Variants in CYP39A1 observed in about 807,000 individuals in gnomAD.
The protein encoded by CYP39A1 is cytochrome P450 family 39 subfamily A member 1, also known as 24-hydroxycholesterol 7-alpha-hydroxylase.
In CYP39A1, 49 loss-of-function variants were observed where a neutral mutation model predicts 58.1. The observed-to-expected ratio is 0.84, with a 90% CI of 0.67 to 1.07. The LOEUF is 1.07. Ranked by LOEUF, CYP39A1 falls within the 50% of genes least tolerant of loss-of-function variation. The pLI is 0.00. For synonymous variants in CYP39A1, 209 were observed against 187.6 expected (o/e 1.11, Z -0.93); for missense variants, 531 against 539.4 (o/e 0.98, Z 0.16).
At chr6:46,595,903 A>T (rs1773118091) in intron 8 of CYP39A1, 84 bp downstream of exon 8, 2 of 1,273,796 alleles carry the variant, frequency 1.6e-6, no homozygotes, top group Non-Finnish European at 2.2e-6. Flanking sequence ...AAATCAAGAT[A>T]TGTCAACCTG....
At chr6:46,622,865 G>C (rs1199807929) in intron 7 of CYP39A1, among the ~76,000 whole-genome samples, 1 of 152,134 alleles carries the variant, frequency 6.6e-6, no homozygotes, top group Non-Finnish European at 1.5e-5. Flanking sequence ...GAGAACACAA[G>C]AGTAGGCTGA....
chr6:46,636,537 A>C, intron 4 of CYP39A1, 55 bp from the exon 5 acceptor site: 1 of 1,088,714 alleles, frequency 9.2e-7, no homozygotes, highest in Non-Finnish European at 1.4e-6. Context: ...TAGGAATAAC[A>C]GGTCACAGCA....
chr6:46,595,841 C>T lies in CYP39A1; in HGVS notation c.1065+146G>A, dbSNP rs548838759. On this transcript the variant is annotated intron_variant, in intron 8 of 11. Transcript: ENST00000275016. ...TCCATAATGTATACATATTTCAAAA[C>T]CACATGTTGTACAAGACAAATATAT... 93 of 770,548 alleles carry T rather than the reference C, an allele frequency of 1.2e-4. No homozygotes were observed. The African/African-American group carries it at 1.4e-3, about 12-fold the overall frequency. The allele number at this position is 770,548 out of a possible 1,614,324, so 47.7% of individuals were successfully genotyped here.
At chr6:46,611,687 G>A (rs1480729331) in intron 7 of CYP39A1, among the ~76,000 whole-genome samples, 1 of 151,848 alleles carries the variant, frequency 6.6e-6, no homozygotes, top group Non-Finnish European at 1.5e-5. Flanking sequence ...TTTTTTTCAA[G>A]GAATAAAGGA....
Position 46,596,046 on chromosome 6 carries a change from T to C in CYP39A1, c.1006A>G (p.Ile336Val), listed in dbSNP as rs1202015928. ...ATGACACCAGGAGCTTTTAAACGAA[T>C]GGTTTCCAAAACACACCATTTAATT... ...LLIKWCVLET[I>V]RLKAPGVITR... Residue 336 changes from isoleucine to valine, a missense_variant, in exon 8 of 12, where the codon ATT becomes GTT. Physicochemically the swap from Ile to Val is conservative, Grantham distance 29. Coordinates refer to ENST00000275016, the MANE Select transcript of CYP39A1 (RefSeq NM_016593.5). 1 of 1,612,126 alleles carries C rather than the reference T, an allele frequency of 6.2e-7. No individual in the cohort carries two copies. The highest frequency in any genetic ancestry group is 1.7e-5 in the Admixed American group (1 of 59,866).
Position 46,631,161 on chromosome 6 carries a change from G to A in CYP39A1, c.733-91C>T, listed in dbSNP as rs146052254. ...GAGATCATGCCTTTTTCTTTAATATGAAAGATATCATTTCTGCCATTCCCA... is the reference window on the plus strand; with the variant it reads ...GAGATCATGCCTTTTTCTTTAATATAAAAGATATCATTTCTGCCATTCCCA... On this transcript the variant is annotated intron_variant, in intron 5 of 11. Coordinates refer to ENST00000275016, the MANE Select transcript of CYP39A1 (RefSeq NM_016593.5). The A allele has an allele frequency of 6.7e-5, 68 of 1,013,832 alleles. No individual in the cohort carries two copies. In the African/African-American group the frequency reaches 1.1e-3, roughly 16 times the overall value. The allele number at this position is 1,013,832 out of a possible 1,614,324, so 62.8% of individuals were successfully genotyped here.
rs201978405 is a variant in CYP39A1 at position 46,615,583 on chromosome 6, TC to T, written c.931+9834del. Among the ~76,000 whole-genome samples, 209 of 152,206 alleles carry T rather than the reference TC, an allele frequency of 1.4e-3. 1 individual carries two copies. The highest frequency in any genetic ancestry group is 4.9e-3 in the African/African-American group (205 of 41,506). On this transcript the variant is annotated intron_variant, in intron 7 of 11. Coordinates refer to ENST00000275016, the MANE Select transcript of CYP39A1 (RefSeq NM_016593.5). ...CTGAATCAAAACCAAATGCTCATCC[TC>T]TTTTTTTTATTTAAAAATCCACGCA...
chr6:46,628,868 G>C (rs1233909865), intron 6 of CYP39A1, among the ~76,000 whole-genome samples: 1 of 152,208 alleles, frequency 6.6e-6, no homozygotes, highest in Non-Finnish European at 1.5e-5. Context: ...AAACTAGGGA[G>C]ATAATTTTTG....
Position 46,637,974 on chromosome 6 carries a change from G to T in CYP39A1, c.493C>A (p.Leu165Ile). 6.2e-7 allele frequency: 1 copy of T among 1,601,548 alleles called. No individual in the cohort carries two copies. Among genetic ancestry groups the T allele is most frequent in the Non-Finnish European group, 8.5e-7 (1 of 1,177,112 alleles). Residue 165 changes from leucine (L) to isoleucine (I), a missense_variant, in exon 4 of 12, where the codon CTC becomes ATC. Coordinates refer to ENST00000275016, the MANE Select transcript of CYP39A1 (RefSeq NM_016593.5). ...ATATTCACTGTGACTGGATAAAGGA[G>T]ATGTCTACAAAGACAGAAACACACA... ...TMDLNNLVRH[L>I]LYPVTVNMLF...
chr6:46,582,255 T>C (rs1177293258), intron 10 of CYP39A1, among the ~76,000 whole-genome samples: 2 of 152,186 alleles, frequency 1.3e-5, no homozygotes, highest in African/African-American at 4.8e-5. Context: ...GGATTTAAAT[T>C]TGCTCACTCC....
intron 5 of CYP39A1, among the ~76,000 whole-genome samples, chr6:46,636,083 C>T (rs1775967132): frequency 6.6e-6 from 1 of 152,138 alleles, no homozygotes; most frequent in Non-Finnish European, 1.5e-5. Context: ...TCCTAATTTG[C>T]CATTAGTTTC....
intron 10 of CYP39A1, among the ~76,000 whole-genome samples, chr6:46,567,649 G>A (rs1478478859): frequency 6.6e-6 from 1 of 151,836 alleles, no homozygotes; most frequent in African/African-American, 2.4e-5. Flanking sequence ...CTTTGTTTAC[G>A]GTAGTCATTC....
In CYP39A1 at chr6:46,550,118, G is replaced by A; in HGVS notation, c.*248C>T. 5 of 343,582 alleles carry A rather than the reference G, an allele frequency of 1.5e-5. No homozygotes were observed. The highest frequency in any genetic ancestry group is 2.6e-5 in the Non-Finnish European group (5 of 192,114). The allele number at this position is 343,582 out of a possible 1,614,324, so 21.3% of individuals were successfully genotyped here. On this transcript the variant is annotated 3_prime_UTR_variant, in exon 12 of 12. Transcript: ENST00000275016. Reference sequence around the variant, plus strand: ...ATTCCAACTTCTTAAAAAATGTGGAGTTTTTTTGGATCATTTGATCATTTC... The same window carrying A: ...ATTCCAACTTCTTAAAAAATGTGGAATTTTTTTGGATCATTTGATCATTTC...
intron 7 of CYP39A1, among the ~76,000 whole-genome samples, chr6:46,623,073 A>C (rs1484796604): frequency 6.6e-6 from 1 of 152,216 alleles, no homozygotes; most frequent in African/African-American, 2.4e-5. Flanking sequence ...CTTTCCCAAG[A>C]AGGAAATGGT....
chr6:46,560,287 G>T (rs919953633), intron 10 of CYP39A1, among the ~76,000 whole-genome samples: 1 of 152,160 alleles, frequency 6.6e-6, no homozygotes, highest in Admixed American at 6.5e-5. Flanking sequence ...GAAGCGAAAA[G>T]AGTGATAAGA....
chr6:46,567,436 G>A (rs1037237936), intron 10 of CYP39A1, among the ~76,000 whole-genome samples: 2 of 151,922 alleles, frequency 1.3e-5, no homozygotes, highest in Non-Finnish European at 2.9e-5. Context: ...AGCCTAGGAG[G>A]GCAAATACTT....
At chr6:46,648,858 C>T (rs536684528) in intron 1 of CYP39A1, among the ~76,000 whole-genome samples, 1 of 151,572 alleles carries the variant, frequency 6.6e-6, no homozygotes, top group Non-Finnish European at 1.5e-5. Context: ...CAAATAGATA[C>T]TTGTAGATAG....
chr6:46,581,031 C>G (rs1199012533), intron 10 of CYP39A1, among the ~76,000 whole-genome samples: 2 of 152,172 alleles, frequency 1.3e-5, no homozygotes, highest in South Asian at 2.1e-4. Context: ...AATACACATT[C>G]ATTCATAGGT....
At chr6:46,640,050 G>A (rs939769477) in intron 2 of CYP39A1, among the ~76,000 whole-genome samples, 9 of 152,100 alleles carry the variant, frequency 5.9e-5, no homozygotes, top group African/African-American at 1.7e-4. Context: ...AGTTGGAGTC[G>A]CAGTGAGCCA....
Sources: allele counts gnomAD v4.1 joint callset (sites outside exome capture counted in the v4.1 genomes callset), GRCh38; gene constraint gnomAD v4.1.1; transcripts MANE v1.5; gene names NCBI Gene and HGNC (gene_info 2026-07-23, HGNC 2026-07-21).